PPP1R13B: variants seen among roughly 807,000 people sequenced by gnomAD.
The protein encoded by PPP1R13B is protein phosphatase 1 regulatory subunit 13B.
In PPP1R13B, 44 loss-of-function variants were observed where a neutral mutation model predicts 119.8. The ratio of observed to expected loss-of-function variants is 0.37; its 90% confidence interval spans 0.29 to 0.47. The LOEUF is 0.47. Among genes scored for constraint, PPP1R13B ranks in the 20% least tolerant of loss-of-function variants. The pLI is 0.99. For missense variants in PPP1R13B, 1,227 were observed against 1,413.5 expected (o/e 0.87, Z 2.12); for synonymous variants, 542 against 561.5 (o/e 0.97, Z 0.49).
chr14:103,769,322 C>T (rs1481990429), intron 4 of PPP1R13B, among the ~76,000 whole-genome samples: 8 of 151,836 alleles, frequency 5.3e-5, no homozygotes, highest in African/African-American at 1.9e-4. Context: ...AACTCCTGGC[C>T]TCAAGTGATC....
At chr14:103,778,691 C>A in intron 4 of PPP1R13B, 54 bp downstream of exon 4, 1 of 1,421,818 alleles carries the variant, frequency 7.0e-7, no homozygotes, top group Non-Finnish European at 9.9e-7. Flanking sequence ...CAGGTGTAAC[C>A]CACTGCACCT....
intron 1 of PPP1R13B, 31 bp downstream of exon 1, chr14:103,847,268 C>A: frequency 5.9e-6 from 7 of 1,191,554 alleles, no homozygotes; most frequent in South Asian, 2.1e-5. Flanking sequence ...GCGGAGGAAG[C>A]CGCCGCCACC....
At chr14:103,792,196 G>GTGTGTGTGTC (rs1567127304) in intron 2 of PPP1R13B, among the ~76,000 whole-genome samples, 3 of 141,542 alleles carry the variant, frequency 2.1e-5, no homozygotes, top group Non-Finnish European at 4.8e-5. Flanking sequence ...GTGTGTGTGT[G>GTGTGTGTGTC]TGTGTATATT....
rs1451622286 is a variant in PPP1R13B, at chr14:103,734,623, C to T, written c.*531G>A. 1 of 456,538 alleles carries T rather than the reference C, an allele frequency of 2.2e-6. No individual in the cohort carries two copies. The highest frequency in any genetic ancestry group is 4.4e-6 in the Non-Finnish European group (1 of 226,818). The allele number at this position is 456,538 out of a possible 1,614,324, so 28.3% of individuals were successfully genotyped here. A position where few individuals can be genotyped will look rare whatever the true frequency, so the allele number is the denominator to read the frequency against. On this transcript the variant is annotated 3_prime_UTR_variant, in exon 17 of 17. Coordinates refer to ENST00000202556, the MANE Select transcript of PPP1R13B (RefSeq NM_015316.3). ...CAGAGTGGGTACTGGGAGGCATACA[C>T]ACTGGGCAGCAACACTGGACATGTT...
At position 103,752,613 on chromosome 14, in the gene PPP1R13B, C is replaced by A. The variant is rs150416525; in HGVS notation, c.828+387G>T. On this transcript the variant is annotated intron_variant, in intron 7 of 16. Transcript: ENST00000202556. Reference sequence around the variant, plus strand: ...GCAGTGGCGCAATCTTGGCTTACTGCAGCTTCTGCCTCCCGGGTTCAAGTG... The same window carrying A: ...GCAGTGGCGCAATCTTGGCTTACTGAAGCTTCTGCCTCCCGGGTTCAAGTG... Among the ~76,000 whole-genome samples, 308 of 146,404 alleles carry A rather than the reference C, an allele frequency of 2.1e-3. 2 individuals carry two copies. The highest frequency in any genetic ancestry group is 7.0e-3 in the African/African-American group (273 of 39,136).
chr14:103,829,304 T>G (rs1341067590), intron 1 of PPP1R13B, among the ~76,000 whole-genome samples: 1 of 152,220 alleles, frequency 6.6e-6, no homozygotes, highest in Non-Finnish European at 1.5e-5. Flanking sequence ...AAAATGACAC[T>G]TCAACATTTT....
intron 8 of PPP1R13B, among the ~76,000 whole-genome samples, chr14:103,749,478 C>T (rs1042145824): frequency 2.6e-5 from 4 of 152,144 alleles, no homozygotes; most frequent in Admixed American, 6.5e-5. Context: ...TGGCAGAGTG[C>T]GGACCGTGAC....
At chr14:103,797,667 A>G (rs1454598801) in intron 1 of PPP1R13B, 149 bp from the exon 2 acceptor site, 1 of 466,948 alleles carries the variant, frequency 2.1e-6, no homozygotes, top group African/African-American at 2.1e-5. Flanking sequence ...AGCTGATTCT[A>G]AAGTTCATGT....
At position 103,733,349 on chromosome 14, in the gene PPP1R13B, C is replaced by T. The variant is rs961722105; in HGVS notation, c.*1805G>A. The T allele has an allele frequency of 5.5e-5, 14 of 252,546 alleles. No homozygotes were observed. Among genetic ancestry groups the T allele is most frequent in the Non-Finnish European group, 1.1e-4 (14 of 130,172 alleles). 15.6% of individuals were successfully genotyped at this position (252,546 alleles called of 1,614,324 possible). On this transcript the variant is annotated 3_prime_UTR_variant, in exon 17 of 17. Transcript: ENST00000202556. ...TCGCAGGTCTACTAGAAGGTTCTGG[C>T]CCATCAATATTCATTTCATTTAATT...
At chr14:103,772,615 T>G (rs1319934321) in intron 4 of PPP1R13B, among the ~76,000 whole-genome samples, 1 of 152,206 alleles carries the variant, frequency 6.6e-6, no homozygotes, top group Non-Finnish European at 1.5e-5. Flanking sequence ...ATGTGCTTAC[T>G]TGACATTCAT....
intron 4 of PPP1R13B, among the ~76,000 whole-genome samples, chr14:103,758,349 AAACACTTTAC>A (rs2084725960): frequency 6.6e-6 from 1 of 152,194 alleles, no homozygotes; most frequent in Non-Finnish European, 1.5e-5. Flanking sequence ...GCCCTGAACT[AAACACTTTAC>A]ATATATGACC....
At chr14:103,797,602 C>T in intron 1 of PPP1R13B, 84 bp from the exon 2 acceptor site, 4 of 668,778 alleles carry the variant, frequency 6.0e-6, no homozygotes, top group Non-Finnish European at 4.5e-6. Context: ...TCCCTCTACC[C>T]ACCCCCCGCC....
intron 1 of PPP1R13B, among the ~76,000 whole-genome samples, chr14:103,810,928 A>AG (rs1293872382): frequency 2.1e-5 from 3 of 143,340 alleles, no homozygotes; most frequent in Non-Finnish European, 4.6e-5. Flanking sequence ...GTCTCTACTA[A>AG]AAAAAAAAAA....
Position 103,754,182 on chromosome 14 carries a change from A to G in PPP1R13B, c.519T>C (p.Asn173=). ...ERRQQQSISE[N]EKLQKLKERV... Reference sequence around the variant, plus strand: ...GTTCTTTCAATTTCTGAAGCTTTTCATTTTCAGAAATAGACTGCTGCTGAC... The same window carrying G: ...GTTCTTTCAATTTCTGAAGCTTTTCGTTTTCAGAAATAGACTGCTGCTGAC... The change falls in exon 6 of 17, where the codon AAT becomes AAC. Residue 173 remains asparagine, a synonymous_variant. Transcript: ENST00000202556. 1 of 1,613,904 alleles carries G rather than the reference A, an allele frequency of 6.2e-7. No homozygotes were observed. Among genetic ancestry groups the G allele is most frequent in the Non-Finnish European group, 8.5e-7 (1 of 1,179,972 alleles).
intron 4 of PPP1R13B, chr14:103,764,483 T>C (rs1353526903): frequency 8.6e-6 from 3 of 348,720 alleles, no homozygotes; most frequent in Non-Finnish European, 1.7e-5. Context: ...ATGAGTCCTT[T>C]ATCAGAAAAT....
At chr14:103,760,852 A>C (rs1370551603) in intron 4 of PPP1R13B, among the ~76,000 whole-genome samples, 1 of 152,172 alleles carries the variant, frequency 6.6e-6, no homozygotes. Context: ...CACTTATCTG[A>C]TCATATCACT....
chr14:103,845,459 T>A (rs2087007264), intron 1 of PPP1R13B, among the ~76,000 whole-genome samples: 1 of 152,184 alleles, frequency 6.6e-6, no homozygotes, highest in Admixed American at 6.5e-5. Context: ...TTTAAACAGG[T>A]AATAGACCTG....
intron 6 of PPP1R13B, among the ~76,000 whole-genome samples, chr14:103,753,590 C>T (rs1430411734): frequency 6.6e-6 from 1 of 152,154 alleles, no homozygotes; most frequent in Non-Finnish European, 1.5e-5. Context: ...AAGTGAGCAT[C>T]AGCATAACTT....
intron 8 of PPP1R13B, chr14:103,747,283 G>T (rs1045051381): frequency 6.6e-6 from 1 of 152,212 alleles, no homozygotes; most frequent in Non-Finnish European, 1.5e-5. Flanking sequence ...TCATTTCGGG[G>T]TGAGGGGTTA....
Sources: gnomAD v4.1 joint callset for allele counts (sites outside exome capture counted in the v4.1 genomes callset) on GRCh38, gnomAD v4.1.1 for gene constraint, MANE v1.5 for transcripts, NCBI Gene and HGNC (gene_info 2026-07-23, HGNC 2026-07-21) for gene names.